EFCAB10: variants seen among roughly 807,000 people sequenced by gnomAD.
EFCAB10 encodes EF-hand calcium binding domain 10.
In EFCAB10, 7 loss-of-function variants were observed where a neutral mutation model predicts 7.7. That is an observed-to-expected ratio of 0.91 (90% CI 0.52 to 1.72). EFCAB10 has a LOEUF of 1.72. EFCAB10 is among the 40% of genes most tolerant of loss of function. The pLI, the probability that EFCAB10 is intolerant of heterozygous loss-of-function variation, is 0.00. For missense variants in EFCAB10, 112 were observed against 61.5 expected (o/e 1.82, Z -2.74); for synonymous variants, 52 against 21.0 (o/e 2.47, Z -4.03).
intron 1 of EFCAB10, among the ~76,000 whole-genome samples, chr7:105,574,185 TAC>T (rs1443094634): frequency 3.0e-4 from 3 of 10,076 alleles, no homozygotes; most frequent in Non-Finnish European, 1.9e-3. Context: ...TATGTATATA[TAC>T]ACACACACGT....
At chr7:105,579,990 CTTTAT>C (rs140732820) in intron 1 of EFCAB10, among the ~76,000 whole-genome samples, 16,563 of 151,692 alleles carry the variant, frequency 0.11, 1,386 homozygotes, top group African/African-American at 0.23. Flanking sequence ...TAACATTTGT[CTTTAT>C]TTTTAGTTTT....
At chr7:105,575,267 A>G (rs1792049825) in intron 1 of EFCAB10, among the ~76,000 whole-genome samples, 1 of 152,124 alleles carries the variant, frequency 6.6e-6, no homozygotes, top group Non-Finnish European at 1.5e-5. Flanking sequence ...TTGGGCGGGG[A>G]TACAGCCAAA....
chr7:105,566,977 AC>A (rs1437207621), intron 4 of EFCAB10: 1 of 467,742 alleles, frequency 2.1e-6, no homozygotes, highest in Non-Finnish European at 3.6e-6. Flanking sequence ...TGTTAAAAGA[AC>A]CAAATAATAA....
At chr7:105,566,010 C>T (rs1791716915) in intron 4 of EFCAB10, among the ~76,000 whole-genome samples, 1 of 152,144 alleles carries the variant, frequency 6.6e-6, no homozygotes, top group Admixed American at 6.6e-5. Context: ...TGGCTCACGC[C>T]TGTAATCCCA....
chr7:105,572,372 G>C (rs187479490), intron 1 of EFCAB10: 1 of 152,140 alleles, frequency 6.6e-6, no homozygotes, highest in African/African-American at 2.4e-5. Flanking sequence ...CAGGATGTCC[G>C]TCTTTTAAGA....
rs112300387 is a variant in EFCAB10 at position 105,569,970 on chromosome 7, C to G, written c.107-399G>C. Reference sequence around the variant, plus strand: ...GGGCATGGTGGTTCATGCCTGTAATCTCAGCACTTTGGGAGGCCGAGGAGG... The same window carrying G: ...GGGCATGGTGGTTCATGCCTGTAATGTCAGCACTTTGGGAGGCCGAGGAGG... On this transcript the variant is annotated intron_variant, in intron 1 of 4. Coordinates refer to ENST00000480514, the MANE Select transcript of EFCAB10 (RefSeq NM_001355526.2). Among the ~76,000 whole-genome samples the G allele has an allele frequency of 7.3e-3, 1,108 of 151,692 alleles. 7 individuals carry two copies. Among genetic ancestry groups the G allele is most frequent in the African/African-American group, 0.02 (822 of 41,340 alleles).
At chr7:105,574,480 G>C (rs1792025491) in intron 1 of EFCAB10, among the ~76,000 whole-genome samples, 1 of 149,562 alleles carries the variant, frequency 6.7e-6, no homozygotes, top group Admixed American at 6.7e-5. Flanking sequence ...GAGACCTTGT[G>C]CAGGGAAGCT....
At chr7:105,580,178 G>A (rs1027576249) in intron 1 of EFCAB10, among the ~76,000 whole-genome samples, 3 of 151,972 alleles carry the variant, frequency 2.0e-5, no homozygotes, top group African/African-American at 7.3e-5. Context: ...ATAGAGATGG[G>A]GTTTTGCCAT....
At chr7:105,575,207 T>C (rs1173493289) in intron 1 of EFCAB10, among the ~76,000 whole-genome samples, 1 of 151,938 alleles carries the variant, frequency 6.6e-6, no homozygotes, top group African/African-American at 2.4e-5. Flanking sequence ...CATGATTCAA[T>C]TACCTCCCAC....
At chr7:105,578,409 G>T (rs1792139759) in intron 1 of EFCAB10, among the ~76,000 whole-genome samples, 1 of 152,084 alleles carries the variant, frequency 6.6e-6, no homozygotes, top group Non-Finnish European at 1.5e-5. Flanking sequence ...AGAAAATCAA[G>T]CCAAGATGTC....
At chr7:105,566,108 A>G (rs1791723554) in intron 4 of EFCAB10, among the ~76,000 whole-genome samples, 1 of 32,100 alleles carries the variant, frequency 3.1e-5, no homozygotes, top group South Asian at 1.1e-3. Context: ...ATCTCTACTA[A>G]AAATACCAAA....
rs760779859 is a variant in EFCAB10, at chr7:105,567,109, C to A, written c.383+358G>T. The A allele has an allele frequency of 2.0e-6, 3 of 1,510,916 alleles. No individual in the cohort carries two copies. Among genetic ancestry groups the A allele is most frequent in the Middle Eastern group, 3.5e-4 (2 of 5,662 alleles). 93.6% of individuals were successfully genotyped at this position (1,510,916 alleles called of 1,614,324 possible). A position where few individuals can be genotyped will look rare whatever the true frequency, so the allele number is the denominator to read the frequency against. ...AGATCTCATTTCCCTCCTTTGTTTT[C>A]CCTAAACAGTATAAAAGAAGCCTGT... On this transcript the variant is annotated intron_variant, in intron 4 of 4. Transcript: ENST00000480514.
chr7:105,571,141 A>AT (rs1452555955), intron 1 of EFCAB10: 1 of 152,182 alleles, frequency 6.6e-6, no homozygotes, highest in Non-Finnish European at 1.5e-5. Context: ...TTTGTGGCCA[A>AT]TTTCACTACA....
In EFCAB10 at chr7:105,565,161, A is replaced by AT. The variant is rs974799105; in HGVS notation, c.*285dup. ...TAGAGCTTTTAATGTTAGGCTGTAT[A>AT]TTTTTTCTTATCCAAAATGCCCTAG... On this transcript the variant is annotated 3_prime_UTR_variant, in exon 5 of 5. Transcript: ENST00000480514. The AT allele has an allele frequency of 1.3e-6, 1 of 763,310 alleles. No individual in the cohort carries two copies. Among genetic ancestry groups the AT allele is most frequent in the African/African-American group, 1.7e-5 (1 of 57,156 alleles). 47.3% of individuals were successfully genotyped at this position (763,310 alleles called of 1,614,324 possible). A position where few individuals can be genotyped will look rare whatever the true frequency, so the allele number is the denominator to read the frequency against.
At chr7:105,571,203 A>G in intron 1 of EFCAB10, 1 of 152,192 alleles carries the variant, frequency 6.6e-6, no homozygotes, top group East Asian at 1.9e-4. Flanking sequence ...TTTGTGCCCT[A>G]ATTGAAGAGG....
chr7:105,570,210 T>C (rs1205879586), intron 1 of EFCAB10, among the ~76,000 whole-genome samples: 1 of 5,880 alleles, frequency 1.7e-4, no homozygotes, highest in Non-Finnish European at 3.4e-4. Context: ...CAAGACTCTC[T>C]CAAAAAAAAA....
intron 1 of EFCAB10, chr7:105,572,546 G>C (rs371072264): frequency 6.6e-6 from 1 of 152,198 alleles, no homozygotes; most frequent in Admixed American, 6.6e-5. Context: ...TATATACCCA[G>C]TGGTGGGAAT....
At chr7:105,576,522 A>C (rs1318695960) in intron 1 of EFCAB10, among the ~76,000 whole-genome samples, 1 of 152,152 alleles carries the variant, frequency 6.6e-6, no homozygotes, top group Non-Finnish European at 1.5e-5. Flanking sequence ...AGCTCACTGC[A>C]AGCTCCGCCT....
intron 4 of EFCAB10, chr7:105,566,862 T>C (rs1435852138): frequency 1.6e-5 from 4 of 243,860 alleles, no homozygotes; most frequent in Non-Finnish European, 3.1e-5. Flanking sequence ...GTGTTAATAT[T>C]AAGTATTGTA....
Sources: gnomAD v4.1 joint callset for allele counts (sites outside exome capture counted in the v4.1 genomes callset) on GRCh38, gnomAD v4.1.1 for gene constraint, MANE v1.5 for transcripts, NCBI Gene and HGNC (gene_info 2026-07-23, HGNC 2026-07-21) for gene names.